ENTPD4: variants seen among roughly 807,000 people sequenced by gnomAD.
ENTPD4 encodes Golgi UDPase.
Under a neutral mutation model 79.1 loss-of-function variants are expected in ENTPD4, and 60 were observed. The ratio of observed to expected loss-of-function variants is 0.76; its 90% CI spans 0.62 to 0.94. The LOEUF (loss-of-function observed/expected upper bound fraction) is 0.94, where lower values mean the gene tolerates loss of function less well. Ranked by LOEUF, ENTPD4 falls within the 40% of genes least tolerant of loss-of-function variation. ENTPD4 has a pLI of 0.00. For missense variants in ENTPD4, 772 were observed against 775.1 expected (o/e 1.00, Z 0.05); for synonymous variants, 276 against 292.0 (o/e 0.95, Z 0.56).
At chr8:23,452,882 C>A (rs1271410151) in intron 1 of ENTPD4, among the ~76,000 whole-genome samples, 1 of 152,226 alleles carries the variant, frequency 6.6e-6, no homozygotes, top group Non-Finnish European at 1.5e-5. Flanking sequence ...ATTTGCTTAT[C>A]ACAGCAGTGG....
chr8:23,445,270 G>A (rs1800746290), intron 4 of ENTPD4, among the ~76,000 whole-genome samples: 1 of 151,824 alleles, frequency 6.6e-6, no homozygotes, highest in Admixed American at 6.6e-5. Context: ...CTTTGGACAC[G>A]CCCTCTGCCA....
At position 23,437,080 on chromosome 8, in the gene ENTPD4, G is replaced by T; in HGVS notation, c.1228C>A (p.Gln410Lys). The change falls in exon 10 of 13, where the codon CAG becomes AAG. Residue 410 changes from glutamine (Q) to lysine (K), a missense_variant. Transcript: ENST00000358689. ...TGGTAGACCCCATTGAGGGAAGTCT[G>T]GGTCTCGTTTGTTTTATTCATGAAA... ...QPFMNKTNET[Q>K]TSLNGVYQPP... 6.2e-7 allele frequency: 1 copy of T among 1,614,216 alleles called. No homozygotes were observed. Among genetic ancestry groups the T allele is most frequent in the Non-Finnish European group, 8.5e-7 (1 of 1,180,018 alleles).
intron 5 of ENTPD4, 51 bp downstream of exon 5, chr8:23,444,405 C>G: frequency 6.5e-7 from 1 of 1,535,436 alleles, no homozygotes; most frequent in Non-Finnish European, 9.0e-7. Flanking sequence ...AGAACACCCC[C>G]TCTCCCCTCC....
chr8:23,434,638 G>A (rs1046535181), intron 11 of ENTPD4, 160 bp from the exon 12 acceptor site: 110 of 1,445,218 alleles, frequency 7.6e-5, no homozygotes, highest in Non-Finnish European at 1.6e-5. Context: ...CAAGGTTGAT[G>A]TACTTGCTTC....
At position 23,441,677 on chromosome 8, in the gene ENTPD4, G is replaced by A. The variant is rs200339768; in HGVS notation, c.774C>T (p.Ser258=). ...CTGTCCTTTTACGGACAATGGCTTCGCTGCTTTCACTTCCAGGAATGTTAA... is the reference window on the plus strand; with the variant it reads ...CTGTCCTTTTACGGACAATGGCTTCACTGCTTTCACTTCCAGGAATGTTAA... ...VEVNIPGSES[S]EAIVRKRTAG... Residue 258 remains serine, a synonymous_variant, in exon 8 of 13, where the codon AGC becomes AGT. Transcript: ENST00000358689. 366 of 1,614,058 alleles carry A rather than the reference G, an allele frequency of 2.3e-4. 3 individuals are homozygous for A. The South Asian group carries it at 3.4e-3, about 15-fold the overall frequency.
Position 23,432,277 on chromosome 8 carries a change from C to A in ENTPD4, c.*649G>T. On this transcript the variant is annotated 3_prime_UTR_variant, in exon 13 of 13. Transcript: ENST00000358689. ...TTCTATGAAAGCATCACTATTCAGT[C>A]CCCTCTCCACTGACAGAATGCATCT... The A allele has an allele frequency of 1.0e-6, 1 of 985,350 alleles. No individual in the cohort carries two copies. Among genetic ancestry groups the A allele is most frequent in the Non-Finnish European group, 1.2e-6 (1 of 829,904 alleles). 61.0% of individuals were successfully genotyped at this position (985,350 alleles called of 1,614,324 possible). A position where few individuals can be genotyped will look rare whatever the true frequency, so the allele number is the denominator to read the frequency against.
In ENTPD4 at chr8:23,433,239, G is replaced by A. The variant is rs934979952; in HGVS notation, c.1623-85C>T. The stretch of plus-strand genomic sequence containing the variant: ...GTGCACAGGGGGACGGCGGGACCCA[G>A]GCCCCAGAGCTGCACTTTAGGAACT... On this transcript the variant is annotated intron_variant, in intron 12 of 12. Transcript: ENST00000358689. 4.4e-5 allele frequency: 52 copies of A among 1,177,406 alleles called. 1 individual carries two copies. The Admixed American group carries it at 1.0e-3, about 23-fold the overall frequency. The allele number at this position is 1,177,406 out of a possible 1,614,324, so 72.9% of individuals were successfully genotyped here.
Position 23,433,124 on chromosome 8 carries a change from A to G in ENTPD4, c.1653T>C (p.Ser551=). The G allele has an allele frequency of 6.2e-7, 1 of 1,614,198 alleles. No individual in the cohort carries two copies. Among genetic ancestry groups the G allele is most frequent in the Non-Finnish European group, 8.5e-7 (1 of 1,180,028 alleles). The change falls in exon 13 of 13, where the codon AGT becomes AGC. Residue 551 remains serine (S), a synonymous_variant. Transcript: ENST00000358689. ...RDIQQEAFRA[S]HTHWRGVSFV... Reference sequence around the variant, plus strand: ...AGGAAACGCCCCGCCAGTGGGTGTGACTGGCTCGGAAGGCCTCCTGCTGGA... The same window carrying G: ...AGGAAACGCCCCGCCAGTGGGTGTGGCTGGCTCGGAAGGCCTCCTGCTGGA...
chr8:23,448,014 C>T, intron 3 of ENTPD4, 129 bp from the exon 4 acceptor site: 1 of 678,978 alleles, frequency 1.5e-6, no homozygotes, highest in South Asian at 1.8e-5. Context: ...AACATCAATA[C>T]AACTGTTGAA....
chr8:23,431,859 C>T lies in ENTPD4; in HGVS notation c.*1067G>A, dbSNP rs947408852. 1.0e-6 allele frequency: 1 copy of T among 985,342 alleles called. No homozygotes were observed. Among genetic ancestry groups the T allele is most frequent in the Non-Finnish European group, 1.2e-6 (1 of 829,902 alleles). The allele number at this position is 985,342 out of a possible 1,614,324, so 61.0% of individuals were successfully genotyped here. ...TTTCAAAACCACAGTGTTCTAATGC[C>T]ACTGAAATATGGAATAAGGAGCGTA... On this transcript the variant is annotated 3_prime_UTR_variant, in exon 13 of 13. Transcript: ENST00000358689.
intron 1 of ENTPD4, among the ~76,000 whole-genome samples, chr8:23,450,795 C>T (rs1178899068): frequency 6.6e-6 from 1 of 152,168 alleles, no homozygotes; most frequent in African/African-American, 2.4e-5. Context: ...TTCTCTTCTA[C>T]ACTTTTTCAA....
Position 23,430,726 on chromosome 8 carries a change from C to G in ENTPD4, c.*2200G>C, listed in dbSNP as rs780475570. On this transcript the variant is annotated 3_prime_UTR_variant, in exon 13 of 13. Coordinates refer to ENST00000358689, the MANE Select transcript of ENTPD4 (RefSeq NM_004901.5). Reference sequence around the variant, plus strand: ...TGCCCAGAGCTGGAAGGCGGGGTCCCCTAACTCCCTGGGTGCCCACCTGCC... The same window carrying G: ...TGCCCAGAGCTGGAAGGCGGGGTCCGCTAACTCCCTGGGTGCCCACCTGCC... 4 of 985,504 alleles carry G rather than the reference C, an allele frequency of 4.1e-6. No homozygotes were observed. Among genetic ancestry groups the G allele is most frequent in the Non-Finnish European group, 4.8e-6 (4 of 830,008 alleles). 61.0% of individuals were successfully genotyped at this position (985,504 alleles called of 1,614,324 possible).
At chr8:23,434,714 C>T (rs1025751394) in intron 11 of ENTPD4, 13 of 1,346,878 alleles carry the variant, frequency 9.7e-6, no homozygotes, top group Middle Eastern at 2.8e-4. Context: ...AACCCGGTCT[C>T]GGCATAATGT....
intron 12 of ENTPD4, 77 bp downstream of exon 12, chr8:23,434,240 A>G: frequency 6.4e-7 from 1 of 1,560,310 alleles, no homozygotes; most frequent in Non-Finnish European, 8.7e-7. Flanking sequence ...AAACAGCCAC[A>G]GACCACAGCT....
intron 1 of ENTPD4, among the ~76,000 whole-genome samples, chr8:23,457,064 A>C (rs531988037): frequency 5.3e-5 from 8 of 152,378 alleles, no homozygotes; most frequent in African/African-American, 1.7e-4. Context: ...GTTCAGAAAC[A>C]ATGCTGTGCA....
At position 23,432,458 on chromosome 8, in the gene ENTPD4, A is replaced by C; in HGVS notation, c.*468T>G. The C allele has an allele frequency of 1.0e-6, 1 of 986,592 alleles. No individual in the cohort carries two copies. The highest frequency in any genetic ancestry group is 1.2e-6 in the Non-Finnish European group (1 of 830,894). 61.1% of individuals were successfully genotyped at this position (986,592 alleles called of 1,614,324 possible). ...TCCTCAATTTAATGCTGTACTCAAA[A>C]TGGCTAAACGCAATACTTCTAGACA... On this transcript the variant is annotated 3_prime_UTR_variant, in exon 13 of 13. Coordinates refer to ENST00000358689, the MANE Select transcript of ENTPD4 (RefSeq NM_004901.5).
rs1472302228 is a variant in ENTPD4 at position 23,447,698 on chromosome 8, C to T, written c.394G>A (p.Val132Ile). Residue 132 changes from valine (V) to isoleucine (I), a missense_variant, in exon 4 of 13, where the codon GTC becomes ATC. Physicochemically the swap from Val to Ile is conservative, Grantham distance 29. Transcript: ENST00000358689. ...TACATACCCGGTTTTATCTTCATGACCACTGGCTTTCGGTTTTTATCCCTC... is the reference window on the plus strand; with the variant it reads ...TACATACCCGGTTTTATCTTCATGATCACTGGCTTTCGGTTTTTATCCCTC... ...QMRDKNRKPVVMKIKPGISEF... is the reference protein window; with the variant it reads ...QMRDKNRKPVIMKIKPGISEF... The T allele has an allele frequency of 1.2e-6, 2 of 1,613,898 alleles. No individual in the cohort carries two copies. The highest frequency in any genetic ancestry group is 2.7e-5 in the African/African-American group (2 of 74,916).
At chr8:23,453,792 T>C (rs1800906584) in intron 1 of ENTPD4, among the ~76,000 whole-genome samples, 1 of 152,170 alleles carries the variant, frequency 6.6e-6, no homozygotes, top group Non-Finnish European at 1.5e-5. Context: ...AATTCATCTT[T>C]AGGAAGTCAT....
In ENTPD4 at chr8:23,431,215, G is replaced by A; in HGVS notation, c.*1711C>T. On this transcript the variant is annotated 3_prime_UTR_variant, in exon 13 of 13. Transcript: ENST00000358689. ...TGGCAATACAGGCCTTTTCTCTCCT[G>A]TTTCTCCAAACTCTCCCAGCCTCTG... The A allele has an allele frequency of 1.9e-6, 1 of 516,746 alleles. No homozygotes were observed. Among genetic ancestry groups the A allele is most frequent in the Non-Finnish European group, 2.5e-6 (1 of 402,538 alleles). The allele number at this position is 516,746 out of a possible 1,614,324, so 32.0% of individuals were successfully genotyped here. A position where few individuals can be genotyped will look rare whatever the true frequency, so the allele number is the denominator to read the frequency against.
Sources: gnomAD v4.1 joint callset for allele counts (sites outside exome capture counted in the v4.1 genomes callset) on GRCh38, gnomAD v4.1.1 for gene constraint, MANE v1.5 for transcripts, NCBI Gene and HGNC (gene_info 2026-07-23, HGNC 2026-07-21) for gene names.